Variants in NPLOC4 observed in about 807,000 individuals in gnomAD.
The protein encoded by NPLOC4 is nuclear protein localization protein 4 homolog.
In NPLOC4, 18 loss-of-function variants were observed where a neutral mutation model predicts 80.6. That is an observed-to-expected ratio of 0.22 (90% CI 0.15 to 0.33). The LOEUF (loss-of-function observed/expected upper bound fraction) is 0.33. Among genes scored for constraint, NPLOC4 ranks in the 10% least tolerant of loss-of-function variants. The probability of loss-of-function intolerance (pLI) is 1.00; values close to 1 mark genes in which losing one functional copy is unlikely to be tolerated. For synonymous variants in NPLOC4, 313 were observed against 301.5 expected, an observed-to-expected ratio of 1.04 and a Z score of -0.39; for missense variants, 540 against 786.1, an observed-to-expected ratio of 0.69 and a Z score of 3.74.
intron 9 of NPLOC4, among the ~76,000 whole-genome samples, chr17:81,599,945 C>T (rs2035019313): frequency 6.6e-6 from 1 of 152,184 alleles, no homozygotes; most frequent in African/African-American, 2.4e-5. Context: ...CTGTCCTCGG[C>T]TTCCAAGCTA....
chr17:81,587,660 C>G (rs796813821), intron 12 of NPLOC4, among the ~76,000 whole-genome samples: 2 of 111,718 alleles, frequency 1.8e-5, no homozygotes, highest in Admixed American at 2.1e-4. Context: ...AAAAAAGAAA[C>G]AAAGAAAAAA....
chr17:81,623,746 C>T (rs1463288694), intron 2 of NPLOC4, among the ~76,000 whole-genome samples: 3 of 150,930 alleles, frequency 2.0e-5, no homozygotes, highest in Admixed American at 6.6e-5. Context: ...TGCAGTGAGC[C>T]GAGATCGCGC....
intron 1 of NPLOC4, among the ~76,000 whole-genome samples, chr17:81,630,736 G>C (rs1197932714): frequency 6.6e-6 from 1 of 152,162 alleles, no homozygotes; most frequent in Non-Finnish European, 1.5e-5. Flanking sequence ...AGTTAGCCAG[G>C]CATGGTGGCG....
intron 16 of NPLOC4, chr17:81,564,086 AC>A: frequency 7.8e-6 from 1 of 128,480 alleles, no homozygotes; most frequent in Non-Finnish European, 1.3e-5. Context: ...AGCTCAAAAC[AC>A]ACACACACAC....
chr17:81,593,883 G>C lies in NPLOC4; in HGVS notation c.1120+2233C>G, dbSNP rs190649486. ...GCACCCTTCCCAGGGTGCCCTAACA[G>C]GTTCTGTAATGCAGAATTCCCAGAC... is the stretch of plus-strand genomic sequence containing the variant. On this transcript the variant is annotated intron_variant, in intron 11 of 16. Coordinates refer to ENST00000331134, the MANE Select transcript of NPLOC4 (RefSeq NM_017921.4). 2.6e-5 allele frequency among the ~76,000 whole-genome samples: 4 copies of C among 152,158 alleles called. No homozygotes were observed. In the East Asian group the frequency reaches 7.7e-4, roughly 29 times the overall value.
chr17:81,582,575 T>G (rs35816741), intron 12 of NPLOC4, among the ~76,000 whole-genome samples: 63,299 of 151,842 alleles, frequency 0.42, 14,977 homozygotes, highest in Non-Finnish European at 0.53. Flanking sequence ...CTAATTTTTT[T>G]TTGTTGTTGT....
chr17:81,590,789 G>C (rs536921311), intron 11 of NPLOC4, among the ~76,000 whole-genome samples: 1 of 152,140 alleles, frequency 6.6e-6, no homozygotes, highest in Non-Finnish European at 1.5e-5. Flanking sequence ...CAAACCTGAC[G>C]GCCACACAAT....
At position 81,569,008 on chromosome 17, in the gene NPLOC4, G is replaced by A; in HGVS notation, c.1449+8C>T. 1 of 1,553,316 alleles carries A rather than the reference G, an allele frequency of 6.4e-7. No individual in the cohort carries two copies. The stretch of plus-strand genomic sequence containing the variant: ...CTTAAATTATGTTTCTAAAGACAAA[G>A]AGCTCACCTGTGTCTCACCCAATAC... On this transcript the variant is annotated splice_region_variant and intron_variant, in intron 14 of 16. Coordinates refer to ENST00000331134, the MANE Select transcript of NPLOC4 (RefSeq NM_017921.4).
intron 12 of NPLOC4, among the ~76,000 whole-genome samples, chr17:81,574,252 C>G (rs542394599): frequency 2.0e-5 from 3 of 152,334 alleles, no homozygotes; most frequent in East Asian, 1.9e-4. Flanking sequence ...TAATCTCCCC[C>G]TCTAGGGATT....
At chr17:81,633,508 AAC>A (rs1472418484) in intron 1 of NPLOC4, among the ~76,000 whole-genome samples, 3 of 152,220 alleles carry the variant, frequency 2.0e-5, no homozygotes, top group Non-Finnish European at 4.4e-5. Flanking sequence ...ACAAGAGACA[AAC>A]ATAATTTGTA....
intron 3 of NPLOC4, among the ~76,000 whole-genome samples, chr17:81,613,944 C>T (rs1054950164): frequency 1.3e-5 from 2 of 152,058 alleles, no homozygotes; most frequent in Non-Finnish European, 2.9e-5. Context: ...CACATACACA[C>T]GTAAGCACAG....
At chr17:81,565,156 G>C in intron 16 of NPLOC4, 1 of 600,890 alleles carries the variant, frequency 1.7e-6, no homozygotes. Flanking sequence ...AGACCAAAAG[G>C]TCCCACGCTT....
In NPLOC4 at chr17:81,567,369, G is replaced by A. The variant is rs376440812; in HGVS notation, c.1566+48C>T. The stretch of plus-strand genomic sequence containing the variant: ...GAAAGCAAGACACAGGCGTCTCTTT[G>A]CAGCCAAAGCCCACTTGCTCAAGTG... On this transcript the variant is annotated intron_variant, in intron 15 of 16. Transcript: ENST00000331134. The surrounding 1 kb of genome is among the most constrained non-coding windows in gnomAD (Gnocchi z 4.5). 7.8e-6 allele frequency: 9 copies of A among 1,156,960 alleles called. No homozygotes were observed. The highest frequency in any genetic ancestry group is 1.0e-5 in the Non-Finnish European group (8 of 775,260). The allele number at this position is 1,156,960 out of a possible 1,614,324, so 71.7% of individuals were successfully genotyped here. A position where few individuals can be genotyped will look rare whatever the true frequency, so the allele number is the denominator to read the frequency against.
intron 12 of NPLOC4, among the ~76,000 whole-genome samples, chr17:81,585,202 GGTAT>G (rs2034545505): frequency 7.1e-6 from 1 of 140,788 alleles, no homozygotes; most frequent in Admixed American, 7.1e-5. Context: ...AAAAGAGTAT[GGTAT>G]TAGTTCTGGT....
At chr17:81,617,686 C>G (rs1049286095) in intron 3 of NPLOC4, among the ~76,000 whole-genome samples, 16 of 149,566 alleles carry the variant, frequency 1.1e-4, no homozygotes, top group Non-Finnish European at 2.2e-4. Flanking sequence ...CCGTCTCTTT[C>G]CACGGTCTCC....
chr17:81,587,160 G>C (rs1055708712), intron 12 of NPLOC4, among the ~76,000 whole-genome samples: 2 of 152,162 alleles, frequency 1.3e-5, no homozygotes, highest in Non-Finnish European at 2.9e-5. Context: ...GGTGATATGA[G>C]TTAGTATATA....
chr17:81,598,916 G>C (rs938361047), intron 9 of NPLOC4, among the ~76,000 whole-genome samples: 1 of 152,166 alleles, frequency 6.6e-6, no homozygotes, highest in African/African-American at 2.4e-5. Context: ...TGGCAACAGA[G>C]AAAATGAAAC....
chr17:81,606,155 T>C (rs2035197270), intron 7 of NPLOC4, among the ~76,000 whole-genome samples: 2 of 151,974 alleles, frequency 1.3e-5, no homozygotes, highest in Admixed American at 6.6e-5. Flanking sequence ...AAAAAAGGAA[T>C]AGAGAATAGG....
chr17:81,564,109 C>CACAG (rs1555677876), intron 16 of NPLOC4: 2 of 334,908 alleles, frequency 6.0e-6, no homozygotes, highest in Non-Finnish European at 1.2e-5. Context: ...CACACACACA[C>CACAG]ACACACACAA....
Sources: allele counts gnomAD v4.1 joint callset (sites outside exome capture counted in the v4.1 genomes callset), GRCh38; gene constraint gnomAD v4.1.1; non-coding constraint Gnocchi (gnomAD v3.1); transcripts MANE v1.5; gene names NCBI Gene and HGNC (gene_info 2026-07-23, HGNC 2026-07-21).